The following DPP10 variants were observed in gnomAD, a reference collection of about 807,000 sequenced individuals.
DPP10 encodes dipeptidyl peptidase like 10.
DPP10 carries 33 observed loss-of-function variants against 120.9 expected under a neutral mutation model. That is an observed-to-expected ratio of 0.27 (90% CI 0.21 to 0.37). DPP10 has a LOEUF of 0.37. Among genes scored for constraint, DPP10 ranks in the 10% least tolerant of loss-of-function variants. The pLI, the probability that DPP10 is intolerant of heterozygous loss-of-function variation, is 1.00. For synonymous variants in DPP10, 337 were observed against 326.1 expected, an observed-to-expected ratio of 1.03 and a Z score of -0.36; for missense variants, 816 against 942.8, an observed-to-expected ratio of 0.87 and a Z score of 1.76.
intron 4 of DPP10, among the ~76,000 whole-genome samples, chr2:115,512,248 G>A (rs1201554443): frequency 6.6e-6 from 1 of 151,978 alleles, no homozygotes; most frequent in African/African-American, 2.4e-5. Context: ...CTTCAGGCAT[G>A]AGCCACCATG....
At chr2:115,731,164 C>G (rs1464940786) in intron 8 of DPP10, among the ~76,000 whole-genome samples, 1 of 152,076 alleles carries the variant, frequency 6.6e-6, no homozygotes, top group Non-Finnish European at 1.5e-5. Flanking sequence ...TTGAGACCAT[C>G]CTGGCCAACA....
At chr2:115,545,902 G>C (rs536694669) in intron 5 of DPP10, among the ~76,000 whole-genome samples, 1 of 152,234 alleles carries the variant, frequency 6.6e-6, no homozygotes, top group African/African-American at 2.4e-5. Context: ...AGGACTTGCA[G>C]TAAAAGTAGA....
chr2:114,997,630 A>G (rs2104976629), intron 1 of DPP10, among the ~76,000 whole-genome samples: 1 of 152,340 alleles, frequency 6.6e-6, no homozygotes, highest in Admixed American at 6.5e-5. Flanking sequence ...ATTTGCTGAA[A>G]CGGTGAATCA....
intron 5 of DPP10, among the ~76,000 whole-genome samples, chr2:115,587,198 C>T (rs1029625491): frequency 1.6e-4 from 24 of 147,944 alleles, no homozygotes; most frequent in Admixed American, 1.6e-3. Context: ...CCCGGGTTCA[C>T]GCCATTCTCC....
chr2:115,270,750 T>A (rs567618063), intron 1 of DPP10, among the ~76,000 whole-genome samples: 1 of 152,336 alleles, frequency 6.6e-6, no homozygotes, highest in African/African-American at 2.4e-5. Context: ...CAGATACTAG[T>A]AATTGATGAT....
At chr2:114,588,882 C>A (rs1691218617) in intron 1 of DPP10, among the ~76,000 whole-genome samples, 1 of 152,052 alleles carries the variant, frequency 6.6e-6, no homozygotes, top group Admixed American at 6.5e-5. Context: ...GATTGGCACT[C>A]AGCATCCAAC....
At chr2:114,931,025 A>G (rs1696030288) in intron 1 of DPP10, among the ~76,000 whole-genome samples, 1 of 152,140 alleles carries the variant, frequency 6.6e-6, no homozygotes, top group East Asian at 1.9e-4. Context: ...GAAATCTCCA[A>G]ACTATACCAA....
chr2:115,216,437 C>T (rs887959178), intron 1 of DPP10, among the ~76,000 whole-genome samples: 9 of 152,210 alleles, frequency 5.9e-5, no homozygotes, highest in Admixed American at 2.0e-4. Context: ...ATTTTATAAA[C>T]GCATATGTAC....
intron 1 of DPP10, among the ~76,000 whole-genome samples, chr2:115,005,348 T>C (rs557333908): frequency 3.9e-5 from 6 of 151,924 alleles, no homozygotes; most frequent in South Asian, 2.1e-4. Flanking sequence ...TCACCAGCAA[T>C]GGAACAAAGC....
intron 10 of DPP10, among the ~76,000 whole-genome samples, chr2:115,747,663 G>A (rs192336316): frequency 2.7e-5 from 4 of 147,384 alleles, no homozygotes; most frequent in Admixed American, 2.1e-4. Flanking sequence ...GCACAATCTC[G>A]GCTCACTACA....
chr2:115,053,074 C>T (rs1363905562), intron 1 of DPP10, among the ~76,000 whole-genome samples: 1 of 151,978 alleles, frequency 6.6e-6, no homozygotes, highest in African/African-American at 2.4e-5. Context: ...TTAGGCAGTT[C>T]CAAAACCTAA....
At chr2:115,556,255 T>C (rs557112654) in intron 5 of DPP10, among the ~76,000 whole-genome samples, 2 of 152,064 alleles carry the variant, frequency 1.3e-5, no homozygotes, top group South Asian at 4.2e-4. Context: ...TAGATCAAAC[T>C]TGGTCAATCC....
At chr2:115,543,481 C>G (rs1428904416) in intron 5 of DPP10, among the ~76,000 whole-genome samples, 1 of 152,026 alleles carries the variant, frequency 6.6e-6, no homozygotes, top group Non-Finnish European at 1.5e-5. Context: ...CAGGTAAACA[C>G]ACAGCCAAAT....
intron 1 of DPP10, among the ~76,000 whole-genome samples, chr2:114,665,941 CTGTA>C (rs1187650446): frequency 6.6e-6 from 1 of 152,318 alleles, no homozygotes; most frequent in East Asian, 1.9e-4. Context: ...ATGATAGACT[CTGTA>C]TGTCTCTAAG....
chr2:115,668,227 G>T (rs1018214905), intron 5 of DPP10, among the ~76,000 whole-genome samples: 1 of 151,788 alleles, frequency 6.6e-6, no homozygotes, highest in Admixed American at 6.6e-5. Flanking sequence ...GAATGTTCCC[G>T]CCAACATTGA....
chr2:114,467,296 A>T (rs756309661), intron 1 of DPP10, among the ~76,000 whole-genome samples: 2 of 152,236 alleles, frequency 1.3e-5, no homozygotes, highest in Non-Finnish European at 2.9e-5. Context: ...TAGACTGGGT[A>T]GAGCGTGTGG....
At chr2:115,291,601 C>T (rs2060657099) in intron 1 of DPP10, among the ~76,000 whole-genome samples, 1 of 152,108 alleles carries the variant, frequency 6.6e-6, no homozygotes, top group Admixed American at 6.6e-5. Flanking sequence ...TTTATTTACA[C>T]ATTTTTTTCA....
chr2:115,305,052 C>G (rs1406662074), intron 1 of DPP10, among the ~76,000 whole-genome samples: 1 of 152,058 alleles, frequency 6.6e-6, no homozygotes, highest in Non-Finnish European at 1.5e-5. Context: ...ACGTTGAACA[C>G]AAGCGTTTCA....
chr2:114,574,283 G>A (rs1341508986), intron 1 of DPP10, among the ~76,000 whole-genome samples: 1 of 152,070 alleles, frequency 6.6e-6, no homozygotes, highest in Non-Finnish European at 1.5e-5. Context: ...AAGTTCCCCT[G>A]GGACCCCCTA....
Sources: allele counts gnomAD v4.1 joint callset (sites outside exome capture counted in the v4.1 genomes callset), GRCh38; gene constraint gnomAD v4.1.1; transcripts MANE v1.5; gene names NCBI Gene and HGNC (gene_info 2026-07-23, HGNC 2026-07-21).